Variants in SLC1A2 observed in about 807,000 individuals in gnomAD.
The protein encoded by SLC1A2 is solute carrier family 1 member 2, also known as excitatory amino acid transporter 2.
A neutral mutation model predicts 48.8 loss-of-function variants in SLC1A2; 15 were observed. The observed-to-expected ratio is 0.31, with a 90% confidence interval of 0.21 to 0.47. The LOEUF (loss-of-function observed/expected upper bound fraction) is 0.47. Among genes scored for constraint, SLC1A2 ranks in the 20% least tolerant of loss-of-function variants. The pLI is 0.99. For missense variants in SLC1A2, 502 were observed against 730.5 expected (o/e 0.69, Z 3.61); for synonymous variants, 279 against 272.6 (o/e 1.02, Z -0.23).
chr11:35,283,761 G>A (rs183101461), intron 8 of SLC1A2, among the ~76,000 whole-genome samples: 69 of 152,212 alleles, frequency 4.5e-4, no homozygotes, highest in African/African-American at 1.1e-3. Context: ...TAGTAGTCTC[G>A]TGATATCTGT....
intron 1 of SLC1A2, among the ~76,000 whole-genome samples, chr11:35,323,886 C>T (rs548450438): frequency 1.3e-5 from 2 of 152,300 alleles, no homozygotes; most frequent in South Asian, 2.1e-4. Context: ...CTTCTAATTC[C>T]TCATCCATCC....
At chr11:35,273,782 G>A (rs1012391431) in intron 9 of SLC1A2, among the ~76,000 whole-genome samples, 5 of 152,238 alleles carry the variant, frequency 3.3e-5, no homozygotes, top group African/African-American at 7.2e-5. Context: ...AGGCTGGTAT[G>A]TGGAAGGGGC....
intron 1 of SLC1A2, among the ~76,000 whole-genome samples, chr11:35,341,811 C>T (rs919870321): frequency 6.6e-6 from 1 of 152,130 alleles, no homozygotes; most frequent in Non-Finnish European, 1.5e-5. Context: ...ACAAAGATGT[C>T]GATTCTTTGC....
At chr11:35,382,912 T>C (rs1457787060) in intron 1 of SLC1A2, among the ~76,000 whole-genome samples, 3 of 152,244 alleles carry the variant, frequency 2.0e-5, no homozygotes, top group Non-Finnish European at 4.4e-5. Context: ...ATGTTTCTTT[T>C]GAATCTGAAT....
chr11:35,291,833 C>T lies in SLC1A2; in HGVS notation c.1091+454G>A, dbSNP rs11033059. 8.8e-4 allele frequency: 146 copies of T among 166,564 alleles called. 3 individuals are homozygous for T. In the East Asian group the frequency reaches 0.019, roughly 22 times the overall value. 10.3% of individuals were successfully genotyped at this position (166,564 alleles called of 1,614,324 possible). A position where few individuals can be genotyped will look rare whatever the true frequency, so the allele number is the denominator to read the frequency against. ...GTTAGAAAAAGTCTCACCTAACATA[C>T]CATTTACTTTGTAAAAGCTGCTTCT... On this transcript the variant is annotated intron_variant, in intron 7 of 10. Coordinates refer to ENST00000278379, the MANE Select transcript of SLC1A2 (RefSeq NM_004171.4).
At chr11:35,399,939 G>A (rs1160478898) in intron 1 of SLC1A2, among the ~76,000 whole-genome samples, 1 of 152,174 alleles carries the variant, frequency 6.6e-6, no homozygotes, top group East Asian at 1.9e-4. Flanking sequence ...ACAGAAGAAA[G>A]ATTTTTGTTT....
intron 1 of SLC1A2, among the ~76,000 whole-genome samples, chr11:35,372,890 G>T (rs1414698063): frequency 6.6e-6 from 1 of 152,170 alleles, no homozygotes; most frequent in African/African-American, 2.4e-5. Flanking sequence ...TTGTGAGGTT[G>T]GTATTTTTAA....
intron 1 of SLC1A2, chr11:35,322,864 C>T (rs1852118209): frequency 1.5e-6 from 1 of 650,264 alleles, no homozygotes; most frequent in African/African-American, 1.8e-5. Flanking sequence ...GAATGCCACC[C>T]CTGCTTTAAA....
At chr11:35,373,460 AG>A (rs1412523830) in intron 1 of SLC1A2, among the ~76,000 whole-genome samples, 2 of 152,196 alleles carry the variant, frequency 1.3e-5, no homozygotes, top group Non-Finnish European at 2.9e-5. Context: ...GCTGGGGAGC[AG>A]CTGGTCTAGG....
Position 35,315,116 on chromosome 11 carries a change from C to G in SLC1A2, c.217G>C (p.Asp73His), listed in dbSNP as rs538543393. The change falls in exon 3 of 11, where the codon GAT (aspartate) becomes CAT (histidine). Residue 73 changes from aspartate (D) to histidine (H), a missense_variant. Around this residue, in one of 4 missense-constraint regions of SLC1A2, gnomAD observed 89 missense variants for 119.7 expected, o/e 0.74. Coordinates refer to ENST00000278379, the MANE Select transcript of SLC1A2 (RefSeq NM_004171.4). ...GGGAAGGCTATTAACATAACCACAT[C>G]AGGGTGGATGGGAGATGCCAAGCGA... ...LLRLASPIHP[D>H]VVMLIAFPGD... 1 of 1,612,958 alleles carries G rather than the reference C, an allele frequency of 6.2e-7. No individual in the cohort carries two copies. Among genetic ancestry groups the G allele is most frequent in the South Asian group, 1.1e-5 (1 of 91,062 alleles).
At chr11:35,376,720 T>G (rs2135186867) in intron 1 of SLC1A2, among the ~76,000 whole-genome samples, 1 of 152,358 alleles carries the variant, frequency 6.6e-6, no homozygotes, top group East Asian at 1.9e-4. Flanking sequence ...ATAATTTTTT[T>G]TAAGCCGGCA....
At chr11:35,278,273 G>GTTTTTTTTTT (rs35889672) in intron 9 of SLC1A2, among the ~76,000 whole-genome samples, 36 of 88,632 alleles carry the variant, frequency 4.1e-4, no homozygotes, top group Non-Finnish European at 6.1e-4. Context: ...GTTTTTTTTT[G>GTTTTTTTTTT]TTTTTTTTTT....
At chr11:35,279,151 T>G (rs1295211139) in intron 9 of SLC1A2, among the ~76,000 whole-genome samples, 2 of 152,244 alleles carry the variant, frequency 1.3e-5, no homozygotes, top group Non-Finnish European at 2.9e-5. Context: ...GGCCAGCACT[T>G]GTCACTCTGT....
intron 1 of SLC1A2, among the ~76,000 whole-genome samples, chr11:35,325,899 G>T (rs1565246151): frequency 1.3e-5 from 2 of 151,008 alleles, no homozygotes. Flanking sequence ...AGGAGGTGGA[G>T]GTTGCAGTGA....
chr11:35,385,034 A>G (rs970095213), intron 1 of SLC1A2, among the ~76,000 whole-genome samples: 1 of 152,244 alleles, frequency 6.6e-6, no homozygotes, highest in Non-Finnish European at 1.5e-5. Context: ...TAAAGAAGTG[A>G]TAAAAATGTA....
At chr11:35,327,224 GC>G (rs1162208442) in intron 1 of SLC1A2, among the ~76,000 whole-genome samples, 1 of 152,142 alleles carries the variant, frequency 6.6e-6, no homozygotes, top group Admixed American at 6.5e-5. Context: ...AGATTTGTGT[GC>G]TTTTTTGTCT....
chr11:35,375,273 GA>G (rs898356673), intron 1 of SLC1A2, among the ~76,000 whole-genome samples: 6 of 152,210 alleles, frequency 3.9e-5, no homozygotes, highest in African/African-American at 1.4e-4. Context: ...TTGAAGCCCA[GA>G]TTGAAGTTGA....
chr11:35,416,763 G>A (rs1425216492), intron 1 of SLC1A2, among the ~76,000 whole-genome samples: 1 of 152,202 alleles, frequency 6.6e-6, no homozygotes, highest in East Asian at 1.9e-4. Flanking sequence ...GCTAACAAAG[G>A]AGACAGCCTG....
At chr11:35,291,037 G>A (rs1038923122) in intron 7 of SLC1A2, among the ~76,000 whole-genome samples, 2 of 152,128 alleles carry the variant, frequency 1.3e-5, no homozygotes, top group African/African-American at 2.4e-5. Flanking sequence ...GCCCTGCTGC[G>A]TCATGCAGTG....
Sources: gnomAD v4.1 joint callset for allele counts (sites outside exome capture counted in the v4.1 genomes callset) on GRCh38, gnomAD v4.1.1 for gene constraint, gnomAD v4.1.1 regional missense constraint, MANE v1.5 for transcripts, NCBI Gene and HGNC (gene_info 2026-07-23, HGNC 2026-07-21) for gene names.